Variants in CRACDL observed in about 807,000 individuals in gnomAD.
CRACDL encodes CRACD like.
Under a neutral mutation model 70.6 loss-of-function variants are expected in CRACDL, and 26 were observed. The observed-to-expected ratio is 0.37, with a 90% CI of 0.27 to 0.51. The LOEUF (loss-of-function observed/expected upper bound fraction) is 0.51. Ranked by LOEUF, CRACDL falls within the 20% of genes least tolerant of loss-of-function variation. CRACDL has a pLI of 0.94. For missense variants in CRACDL, 1,283 were observed against 1,376.9 expected, an observed-to-expected ratio of 0.93 and a Z score of 1.08; for synonymous variants, 618 against 615.2, an observed-to-expected ratio of 1.00 and a Z score of -0.07.
intron 1 of CRACDL, among the ~76,000 whole-genome samples, chr2:98,894,706 G>A (rs909709075): frequency 3.9e-5 from 6 of 152,298 alleles, no homozygotes; most frequent in East Asian, 1.9e-4. Flanking sequence ...ATCATGTCCC[G>A]TGGTTTAACA....
intron 4 of CRACDL, 27 bp from the exon 5 acceptor site, chr2:98,832,539 C>T (rs757084712): frequency 2.6e-6 from 4 of 1,534,212 alleles, no homozygotes; most frequent in East Asian, 4.5e-5. Flanking sequence ...AACATGTGCT[C>T]TTATTTTCAT....
chr2:98,882,189 C>T (rs1043843111), intron 1 of CRACDL, among the ~76,000 whole-genome samples: 22 of 152,240 alleles, frequency 1.4e-4, no homozygotes, highest in African/African-American at 5.3e-4. Flanking sequence ...CTGCATTTCA[C>T]TTGAAACCAG....
intron 2 of CRACDL, among the ~76,000 whole-genome samples, chr2:98,839,061 G>C (rs994363492): frequency 9.2e-5 from 14 of 152,220 alleles, no homozygotes; most frequent in African/African-American, 3.4e-4. Flanking sequence ...GAGGGATGCA[G>C]CATCGTAGAC....
chr2:98,853,668 A>G (rs1706574648), intron 1 of CRACDL, among the ~76,000 whole-genome samples: 1 of 152,212 alleles, frequency 6.6e-6, no homozygotes, highest in Non-Finnish European at 1.5e-5. Context: ...TTAAATGCAT[A>G]TAACAACTAA....
At chr2:98,838,658 C>G (rs565781635) in intron 2 of CRACDL, among the ~76,000 whole-genome samples, 74 of 152,148 alleles carry the variant, frequency 4.9e-4, no homozygotes, top group African/African-American at 1.7e-3. Flanking sequence ...CAGAGCAAGA[C>G]CCTCTCTCAA....
intron 1 of CRACDL, among the ~76,000 whole-genome samples, chr2:98,897,132 C>T: frequency 6.6e-6 from 1 of 152,124 alleles, no homozygotes; most frequent in East Asian, 1.9e-4. Flanking sequence ...ACACTCTTCC[C>T]CCTGGCAACC....
intron 1 of CRACDL, among the ~76,000 whole-genome samples, chr2:98,853,821 A>G (rs964102634): frequency 2.6e-5 from 4 of 152,358 alleles, no homozygotes; most frequent in African/African-American, 7.2e-5. Flanking sequence ...ACAGACAGTC[A>G]CAATTTCAGA....
intron 2 of CRACDL, among the ~76,000 whole-genome samples, chr2:98,841,795 T>C (rs1706037211): frequency 6.6e-6 from 1 of 152,212 alleles, no homozygotes; most frequent in Non-Finnish European, 1.5e-5. Flanking sequence ...GCTCTTGCCA[T>C]GACATTTAAT....
At chr2:98,920,800 G>A (rs1708784867) in intron 1 of CRACDL, among the ~76,000 whole-genome samples, 1 of 152,154 alleles carries the variant, frequency 6.6e-6, no homozygotes, top group African/African-American at 2.4e-5. Flanking sequence ...ACGTGTCTGT[G>A]TCCCCTGTCA....
chr2:98,796,403 T>TTAGTGAGCTGACAC, intron 8 of CRACDL, 139 bp from the exon 9 acceptor site: 2 of 772,586 alleles, frequency 2.6e-6, no homozygotes, highest in Non-Finnish European at 4.3e-6. Flanking sequence ...CGCCCTGGTG[T>TTAGTGAGCTGACAC]CAGCTCACTA....
chr2:98,876,476 T>C lies in CRACDL; in HGVS notation c.-10-29666A>G, dbSNP rs138299023. Among the ~76,000 whole-genome samples, 422 of 152,264 alleles carry C rather than the reference T, an allele frequency of 2.8e-3. 3 individuals are homozygous for C. Among genetic ancestry groups the C allele is most frequent in the African/African-American group, 9.8e-3 (409 of 41,552 alleles). ...ACCTCCTGTCAGGTCAGCAGCGGCA[T>C]TAGATTCTCATAGGAGTGCGAGCCC... is the stretch of plus-strand genomic sequence containing the variant. On this transcript the variant is annotated intron_variant, in intron 1 of 9. Transcript: ENST00000397899.
intron 1 of CRACDL, among the ~76,000 whole-genome samples, chr2:98,909,958 T>G (rs1231999094): frequency 6.6e-6 from 1 of 152,206 alleles, no homozygotes; most frequent in Non-Finnish European, 1.5e-5. Flanking sequence ...AGGAAATGGC[T>G]GCATTTTGCC....
At chr2:98,911,050 A>G (rs1465440531) in intron 1 of CRACDL, among the ~76,000 whole-genome samples, 2 of 152,216 alleles carry the variant, frequency 1.3e-5, no homozygotes, top group African/African-American at 4.8e-5. Flanking sequence ...CTGGTAGGAC[A>G]GTGCCAAGCA....
At chr2:98,818,873 C>T (rs1469487783) in intron 7 of CRACDL, among the ~76,000 whole-genome samples, 1 of 152,180 alleles carries the variant, frequency 6.6e-6, no homozygotes, top group Non-Finnish European at 1.5e-5. Flanking sequence ...TGTCCTGGTA[C>T]CTGTCCTTCC....
chr2:98,856,830 C>A (rs1020936864), intron 1 of CRACDL, among the ~76,000 whole-genome samples: 1 of 152,198 alleles, frequency 6.6e-6, no homozygotes, highest in African/African-American at 2.4e-5. Flanking sequence ...ATGGTCCCTG[C>A]AACAAGTTCC....
At chr2:98,860,989 A>G (rs1167987900) in intron 1 of CRACDL, among the ~76,000 whole-genome samples, 1 of 152,234 alleles carries the variant, frequency 6.6e-6, no homozygotes, top group East Asian at 1.9e-4. Flanking sequence ...AAGAAGGCAT[A>G]AAGTAGGCAA....
At chr2:98,820,444 G>A (rs529524748) in intron 7 of CRACDL, among the ~76,000 whole-genome samples, 1 of 152,150 alleles carries the variant, frequency 6.6e-6, no homozygotes, top group South Asian at 2.1e-4. Context: ...TGAGGCAGGA[G>A]AATCACTTGA....
At chr2:98,845,299 C>T (rs1349159123) in intron 2 of CRACDL, among the ~76,000 whole-genome samples, 2 of 151,416 alleles carry the variant, frequency 1.3e-5, no homozygotes, top group African/African-American at 2.4e-5. Flanking sequence ...TAGGCTCACA[C>T]AATCCTCCCA....
chr2:98,850,408 G>T (rs368464976), intron 1 of CRACDL, among the ~76,000 whole-genome samples: 6 of 152,324 alleles, frequency 3.9e-5, no homozygotes, highest in African/African-American at 1.4e-4. Context: ...TCCCCAAGCC[G>T]CAGTAAAGTT....
Sources: allele counts gnomAD v4.1 joint callset (sites outside exome capture counted in the v4.1 genomes callset), GRCh38; gene constraint gnomAD v4.1.1; transcripts MANE v1.5; gene names NCBI Gene and HGNC (gene_info 2026-07-23, HGNC 2026-07-21).